Variants in PPP2R2C observed in about 807,000 individuals in gnomAD.
PPP2R2C encodes protein phosphatase 2, regulatory subunit B, gamma.
PPP2R2C carries 10 observed loss-of-function variants against 45.3 expected under a neutral mutation model. That is an observed-to-expected ratio of 0.22 (90% CI 0.14 to 0.37). The LOEUF is 0.37. PPP2R2C is among the 10% of genes least tolerant of loss of function. PPP2R2C has a pLI of 1.00. For missense variants in PPP2R2C, 308 were observed against 619.7 expected, an observed-to-expected ratio of 0.50 and a Z score of 5.34; for synonymous variants, 257 against 245.4, an observed-to-expected ratio of 1.05 and a Z score of -0.44.
At chr4:6,464,268 C>T (rs777909997) in intron 1 of PPP2R2C, among the ~76,000 whole-genome samples, 24 of 152,156 alleles carry the variant, frequency 1.6e-4, no homozygotes, top group Non-Finnish European at 3.5e-4. Context: ...ATCCTAAAGT[C>T]CACTTGGATC....
intron 1 of PPP2R2C, among the ~76,000 whole-genome samples, chr4:6,560,444 A>G (rs1403939820): frequency 6.6e-6 from 1 of 152,202 alleles, no homozygotes; most frequent in Non-Finnish European, 1.5e-5. Flanking sequence ...GAGGACTGAA[A>G]GGCTCTCCGC....
At chr4:6,558,443 C>T (rs967938190) in intron 1 of PPP2R2C, among the ~76,000 whole-genome samples, 15 of 152,170 alleles carry the variant, frequency 9.9e-5, no homozygotes, top group African/African-American at 3.6e-4. Flanking sequence ...CCTCCTGGGA[C>T]CTGCAGGTGT....
At chr4:6,350,546 C>T (rs1307283074) in intron 5 of PPP2R2C, 2 of 985,254 alleles carry the variant, frequency 2.0e-6, no homozygotes, top group Non-Finnish European at 2.4e-6. Context: ...GTCATCAGGA[C>T]ACTCATTCTC....
At chr4:6,500,407 T>A (rs1255854674) in intron 2 of PPP2R2C, among the ~76,000 whole-genome samples, 2 of 152,170 alleles carry the variant, frequency 1.3e-5, no homozygotes, top group Non-Finnish European at 2.9e-5. Context: ...CTTGGCCTCC[T>A]AAAGTGCTGG....
intron 2 of PPP2R2C, among the ~76,000 whole-genome samples, chr4:6,488,043 A>ATT (rs1301309501): frequency 6.6e-6 from 1 of 152,078 alleles, no homozygotes; most frequent in African/African-American, 2.4e-5. Flanking sequence ...CATATTATAC[A>ATT]TTGTAATTTT....
intron 6 of PPP2R2C, among the ~76,000 whole-genome samples, chr4:6,344,599 C>A (rs1711649962): frequency 6.6e-6 from 1 of 152,156 alleles, no homozygotes; most frequent in South Asian, 2.1e-4. Context: ...ACCCTTCCTG[C>A]ACACACATGT....
chr4:6,404,410 T>C (rs549887919), intron 1 of PPP2R2C, among the ~76,000 whole-genome samples: 1 of 152,126 alleles, frequency 6.6e-6, no homozygotes, highest in Non-Finnish European at 1.5e-5. Flanking sequence ...TGGAAACCCT[T>C]GGGGACGGGT....
At position 6,563,276 on chromosome 4, in the gene PPP2R2C, G is replaced by C. The variant is rs996983293; in HGVS notation, c.-59+284C>G. Among the ~76,000 whole-genome samples, 4 of 152,196 alleles carry C rather than the reference G, an allele frequency of 2.6e-5. No homozygotes were observed. Among genetic ancestry groups the C allele is most frequent in the African/African-American group, 9.6e-5 (4 of 41,458 alleles). On this transcript the variant is annotated intron_variant, in intron 1 of 9. Transcript: ENST00000506140. This position sits in a 1 kb window ranked among gnomAD's most constrained non-coding sequence, Gnocchi z 5.8. ...GGCAGGGTTCCAAGCCGGTTCTGTCGGGTTCCCTCAAGACCCCGAGAGCAC... is the reference window on the plus strand; with the variant it reads ...GGCAGGGTTCCAAGCCGGTTCTGTCCGGTTCCCTCAAGACCCCGAGAGCAC...
chr4:6,525,758 C>T (rs1392856227), intron 2 of PPP2R2C, among the ~76,000 whole-genome samples: 5 of 152,172 alleles, frequency 3.3e-5, no homozygotes, highest in Non-Finnish European at 7.3e-5. Flanking sequence ...GACTGGAGTA[C>T]AGTGGCACGA....
intron 1 of PPP2R2C, among the ~76,000 whole-genome samples, chr4:6,438,517 G>A (rs911830840): frequency 1.3e-5 from 2 of 152,198 alleles, no homozygotes; most frequent in African/African-American, 2.4e-5. Flanking sequence ...TCCATTAAAT[G>A]ACCTTCACTT....
chr4:6,506,553 G>A (rs930600386), intron 2 of PPP2R2C, among the ~76,000 whole-genome samples: 1 of 152,178 alleles, frequency 6.6e-6, no homozygotes, highest in Non-Finnish European at 1.5e-5. Flanking sequence ...AATGAGAAGG[G>A]CTCAGTCATG....
intron 2 of PPP2R2C, among the ~76,000 whole-genome samples, chr4:6,494,541 G>T (rs1477839625): frequency 6.6e-6 from 1 of 152,196 alleles, no homozygotes; most frequent in Non-Finnish European, 1.5e-5. Flanking sequence ...GGACCACACG[G>T]GTGCCAGATG....
Position 6,332,860 on chromosome 4 carries a change from T to C in PPP2R2C, c.960+702A>G, listed in dbSNP as rs918806375. On this transcript the variant is annotated intron_variant, in intron 7 of 8. Transcript: ENST00000382599. The surrounding 1 kb of genome is among the most constrained non-coding windows in gnomAD (Gnocchi z 4.9). ...TGTTTGCACGGCCAGATCTTACCCA[T>C]CCTTCAAGGCCCAGCACAAATGCCA... Among the ~76,000 whole-genome samples the C allele has an allele frequency of 2.6e-5, 4 of 152,076 alleles. No individual in the cohort carries two copies. Among genetic ancestry groups the C allele is most frequent in the Non-Finnish European group, 4.4e-5 (3 of 68,004 alleles).
At chr4:6,465,429 A>G (rs1051721041) in intron 1 of PPP2R2C, among the ~76,000 whole-genome samples, 10 of 152,112 alleles carry the variant, frequency 6.6e-5, no homozygotes, top group African/African-American at 2.4e-4. Flanking sequence ...CCAATCACGA[A>G]AGCCAAGGAG....
Position 6,322,876 on chromosome 4 carries a change from G to A in PPP2R2C, c.*426C>T, listed in dbSNP as rs1470276775. 1 of 155,494 alleles carries A rather than the reference G, an allele frequency of 6.4e-6. No homozygotes were observed. The highest frequency in any genetic ancestry group is 1.4e-5 in the Non-Finnish European group (1 of 70,388). 9.6% of individuals were successfully genotyped at this position (155,494 alleles called of 1,614,324 possible). On this transcript the variant is annotated 3_prime_UTR_variant, in exon 9 of 9. Coordinates refer to ENST00000382599, the MANE Select transcript of PPP2R2C (RefSeq NM_020416.4). This position sits in a 1 kb window ranked among gnomAD's most constrained non-coding sequence, Gnocchi z 7.8. The stretch of plus-strand genomic sequence containing the variant: ...CCCTGATCTGGGACCAGTGAGGCAT[G>A]GGGGAGAAGCAGCTCCCATCAGCTC...
upstream of PPP2R2C, among the ~76,000 whole-genome samples, chr4:6,476,255 G>C (rs1286066925): frequency 6.6e-6 from 1 of 152,154 alleles, no homozygotes; most frequent in Non-Finnish European, 1.5e-5. Flanking sequence ...GCCACCTCTC[G>C]AGGCCTCCCT....
intron 2 of PPP2R2C, among the ~76,000 whole-genome samples, chr4:6,530,388 C>CA (rs1302373847): frequency 6.6e-6 from 1 of 152,208 alleles, no homozygotes; most frequent in African/African-American, 2.4e-5. Flanking sequence ...TTTAACCCCC[C>CA]ATGAGATGGC....
intron 1 of PPP2R2C, among the ~76,000 whole-genome samples, chr4:6,422,240 C>T (rs1019434834): frequency 6.6e-6 from 1 of 152,162 alleles, no homozygotes; most frequent in Non-Finnish European, 1.5e-5. Flanking sequence ...AGACAAGTGC[C>T]TCTGGGCTTA....
chr4:6,449,824 T>C (rs1720641475), intron 1 of PPP2R2C, among the ~76,000 whole-genome samples: 1 of 152,152 alleles, frequency 6.6e-6, no homozygotes, highest in East Asian at 1.9e-4. Context: ...CAGGGTATGA[T>C]TTCCAGAGAG....
Sources: gnomAD v4.1 joint callset for allele counts (sites outside exome capture counted in the v4.1 genomes callset) on GRCh38, gnomAD v4.1.1 for gene constraint, Gnocchi (gnomAD v3.1) non-coding constraint, MANE v1.5 for transcripts, NCBI Gene and HGNC (gene_info 2026-07-23, HGNC 2026-07-21) for gene names.